The following COL5A1 variants were observed in gnomAD, a reference collection of about 807,000 sequenced individuals.
COL5A1 encodes the protein collagen alpha-1(V) chain.
Under a neutral mutation model 263.7 loss-of-function variants are expected in COL5A1, and 16 were observed. The observed-to-expected ratio is 0.06, with a 90% CI of 0.04 to 0.09. The LOEUF is 0.09. Among genes scored for constraint, COL5A1 ranks in the 10% least tolerant of loss-of-function variants. The pLI is 1.00. For synonymous variants in COL5A1, 1,012 were observed against 1,004.5 expected (o/e 1.01, Z -0.14); for missense variants, 2,036 against 2,540.5 (o/e 0.80, Z 4.27).
intron 28 of COL5A1, 66 bp from the exon 29 acceptor site, chr9:134,782,601 G>A: frequency 6.8e-7 from 1 of 1,473,706 alleles, no homozygotes; most frequent in South Asian, 1.1e-5. Context: ...TTTGGAGCGG[G>A]GAAGGGACCG....
rs1470377379 is a variant in COL5A1 at position 134,686,893 on chromosome 9, G to A, written c.110-4019G>A. On this transcript the variant is annotated intron_variant, in intron 1 of 65. Coordinates refer to ENST00000371817, the MANE Select transcript of COL5A1 (RefSeq NM_000093.5). This position sits in a 1 kb window ranked among gnomAD's most constrained non-coding sequence, Gnocchi z 4.6. ...CATGTCCCATAGGTGGTTCCAGGGA[G>A]GCTCCTGGTTTCAGTGCACACAGCT... is the stretch of plus-strand genomic sequence containing the variant. Among the ~76,000 whole-genome samples, 1 of 152,138 alleles carries A rather than the reference G, an allele frequency of 6.6e-6. No homozygotes were observed. Among genetic ancestry groups the A allele is most frequent in the East Asian group, 1.9e-4 (1 of 5,174 alleles).
At chr9:134,752,395 G>A (rs1391796150) in intron 13 of COL5A1, among the ~76,000 whole-genome samples, 194 bp from the exon 14 acceptor site, 1 of 144,902 alleles carries the variant, frequency 6.9e-6, no homozygotes, top group Non-Finnish European at 1.5e-5. Context: ...TCACTCCCGT[G>A]GATGCTGAGA....
rs114678191 is a variant in COL5A1, at chr9:134,698,688, T to C, written c.278-1221T>C. Among the ~76,000 whole-genome samples the C allele has an allele frequency of 1.3e-3, 197 of 152,328 alleles. 1 individual carries two copies. The highest frequency in any genetic ancestry group is 4.6e-3 in the African/African-American group (190 of 41,584). On this transcript the variant is annotated intron_variant, in intron 2 of 65. Transcript: ENST00000371817. ...GACGCTGCTGCCCGCCTTGCCACAA[T>C]TTCGCCAGCAGAGGGTGCTCATGGA...
chr9:134,761,023 C>T (rs1030920523), intron 18 of COL5A1, among the ~76,000 whole-genome samples: 6 of 150,636 alleles, frequency 4.0e-5, no homozygotes, highest in African/African-American at 1.5e-4. Flanking sequence ...CACACGCATA[C>T]ACACGTGCAC....
chr9:134,797,586 C>G (rs961243018), intron 36 of COL5A1, among the ~76,000 whole-genome samples: 1 of 152,166 alleles, frequency 6.6e-6, no homozygotes, highest in Non-Finnish European at 1.5e-5. Context: ...GGGTTCAAGC[C>G]ATTCTCCTGC....
Position 134,730,418 on chromosome 9 carries a change from C to G in COL5A1, c.1107C>G (p.Asp369Glu). 1 of 1,614,206 alleles carries G rather than the reference C, an allele frequency of 6.2e-7. No individual in the cohort carries two copies. Among genetic ancestry groups the G allele is most frequent in the Non-Finnish European group, 8.5e-7 (1 of 1,180,030 alleles). Reference protein sequence around the residue: ...EGEENPDQPTDPGAGAEIPTS... With the variant: ...EGEENPDQPTEPGAGAEIPTS... Reference sequence around the variant, plus strand: ...AGGAGAACCCCGACCAGCCCACAGACCCAGGCGCTGGGGCCGAAATTCCCA... The same window carrying G: ...AGGAGAACCCCGACCAGCCCACAGAGCCAGGCGCTGGGGCCGAAATTCCCA... Residue 369 changes from aspartate (D) to glutamate (E), a missense_variant, in exon 7 of 66, where the codon GAC becomes GAG. This residue lies in a region of COL5A1 where 600 missense variants were observed against 634.5 expected (regional missense o/e 0.95). Coordinates refer to ENST00000371817, the MANE Select transcript of COL5A1 (RefSeq NM_000093.5).
intron 49 of COL5A1, 40 bp downstream of exon 49, chr9:134,814,076 G>C: frequency 7.8e-6 from 12 of 1,543,774 alleles, no homozygotes; most frequent in Non-Finnish European, 1.1e-5. Flanking sequence ...GGATATGGCC[G>C]AGCGGGTGTG....
intron 11 of COL5A1, among the ~76,000 whole-genome samples, chr9:134,743,653 G>A (rs2132664536): frequency 6.6e-6 from 1 of 152,292 alleles, no homozygotes; most frequent in East Asian, 1.9e-4. Context: ...TGCCTTGGGA[G>A]GAGGCCCCCA....
At chr9:134,785,300 C>T (rs72774456) in intron 30 of COL5A1, among the ~76,000 whole-genome samples, 43 of 152,266 alleles carry the variant, frequency 2.8e-4, no homozygotes, top group East Asian at 7.7e-4. Flanking sequence ...GTCCCGGGTT[C>T]GCCCTTTCCC....
At chr9:134,711,777 C>T (rs4841927) in intron 4 of COL5A1, among the ~76,000 whole-genome samples, 51,381 of 151,826 alleles carry the variant, frequency 0.34, 8,983 homozygotes, top group Non-Finnish European at 0.39. Context: ...CTCATGACCC[C>T]TTCTTGCATC....
intron 18 of COL5A1, 53 bp from the exon 19 acceptor site, chr9:134,761,872 A>G: frequency 6.4e-7 from 1 of 1,568,248 alleles, no homozygotes; most frequent in East Asian, 2.2e-5. Flanking sequence ...ACCTTGGACA[A>G]GCCCTGCATG....
intron 28 of COL5A1, among the ~76,000 whole-genome samples, chr9:134,781,938 CA>C (rs1380946496): frequency 5.9e-5 from 9 of 152,288 alleles, no homozygotes; most frequent in Non-Finnish European, 1.3e-4. Context: ...CTTTTTGGAT[CA>C]AGATGTAGCC....
intron 4 of COL5A1, chr9:134,709,092 C>A: frequency 2.6e-6 from 1 of 383,098 alleles, no homozygotes; most frequent in Non-Finnish European, 5.3e-6. Context: ...TATTTCTGGA[C>A]AAGGTCACCT....
intron 4 of COL5A1, among the ~76,000 whole-genome samples, chr9:134,706,475 T>G (rs111534451): frequency 0.021 from 3,269 of 152,176 alleles, 119 homozygotes; most frequent in African/African-American, 0.074. Context: ...GTGAGTTATC[T>G]TCACAGGCAA....
At chr9:134,786,168 A>G in intron 31 of COL5A1, 120 bp downstream of exon 31, 5 of 973,220 alleles carry the variant, frequency 5.1e-6, no homozygotes, top group Admixed American at 2.1e-5. Context: ...TTCTGCCGAT[A>G]ACTTCTGGCC....
chr9:134,795,036 G>A, intron 32 of COL5A1, 46 bp from the exon 33 acceptor site: 4 of 1,602,680 alleles, frequency 2.5e-6, no homozygotes, highest in Non-Finnish European at 3.4e-6. Context: ...CCTGAGCAGG[G>A]CCGGGCATTT....
At chr9:134,817,198 C>T (rs914847832) in intron 53 of COL5A1, 119 bp downstream of exon 53, 5 of 883,618 alleles carry the variant, frequency 5.7e-6, no homozygotes, top group Admixed American at 2.0e-5. Flanking sequence ...AGGAAGGGCT[C>T]GGGTGTGGCA....
intron 2 of COL5A1, 88 bp from the exon 3 acceptor site, chr9:134,699,821 C>T: frequency 7.7e-7 from 1 of 1,303,470 alleles, no homozygotes. Context: ...TTCCCAGGGT[C>T]CCGGGCTGGC....
intron 28 of COL5A1, among the ~76,000 whole-genome samples, chr9:134,781,643 T>A (rs1191072001): frequency 6.6e-6 from 1 of 152,220 alleles, no homozygotes; most frequent in African/African-American, 2.4e-5. Flanking sequence ...TCCCGCACTG[T>A]TCCCGAGGGC....
Sources: gnomAD v4.1 joint callset for allele counts (sites outside exome capture counted in the v4.1 genomes callset) on GRCh38, gnomAD v4.1.1 for gene constraint, gnomAD v4.1.1 regional missense constraint, Gnocchi (gnomAD v3.1) non-coding constraint, MANE v1.5 for transcripts, NCBI Gene and HGNC (gene_info 2026-07-23, HGNC 2026-07-21) for gene names.